UTRN: variants seen among roughly 807,000 people sequenced by gnomAD.
UTRN encodes dystrophin-related protein 1.
Under a neutral mutation model 463.9 loss-of-function variants are expected in UTRN, and 283 were observed. The ratio of observed to expected loss-of-function variants is 0.61; its 90% confidence interval spans 0.55 to 0.67. The LOEUF is 0.67. Ranked by LOEUF, UTRN falls within the 30% of genes least tolerant of loss-of-function variation. The probability of loss-of-function intolerance (pLI) is 0.00; values close to 1 mark genes in which losing one functional copy is unlikely to be tolerated. For missense variants in UTRN, 3,922 were observed against 4,084.3 expected, an observed-to-expected ratio of 0.96 and a Z score of 1.08; for synonymous variants, 1,442 against 1,431.5, an observed-to-expected ratio of 1.01 and a Z score of -0.17.
intron 51 of UTRN, among the ~76,000 whole-genome samples, chr6:144,654,782 T>C (rs73778368): frequency 0.016 from 2,456 of 152,330 alleles, 81 homozygotes; most frequent in African/African-American, 0.057. Context: ...GTCTTGGCAT[T>C]ATTTTTAGTC....
chr6:144,555,765 C>T (rs867013649), intron 49 of UTRN, among the ~76,000 whole-genome samples: 2 of 152,172 alleles, frequency 1.3e-5, no homozygotes, highest in African/African-American at 2.4e-5. Flanking sequence ...GGAAATTCAT[C>T]CCCATGATCC....
intron 23 of UTRN, among the ~76,000 whole-genome samples, chr6:144,472,312 C>CT (rs760604326): frequency 0.01 from 1,373 of 134,992 alleles, 22 homozygotes; most frequent in East Asian, 0.073. Flanking sequence ...ACTTTCTTTT[C>CT]TTTTTTTTTT....
In UTRN at chr6:144,852,275, A is replaced by G. The variant is rs1240297183; in HGVS notation, c.*1278A>G. ...ACCTACATCTTTTTGAGTGCATTCA[A>G]TTATGTATTTTGGTTTAGCTTCTGA... On this transcript the variant is annotated 3_prime_UTR_variant, in exon 75 of 75. Coordinates refer to ENST00000367545, the MANE Select transcript of UTRN (RefSeq NM_007124.3). 1.3e-5 allele frequency: 2 copies of G among 152,176 alleles called. No homozygotes were observed. The highest frequency in any genetic ancestry group is 2.4e-5 in the African/African-American group (1 of 41,452). The allele number at this position is 152,176 out of a possible 1,614,324, so 9.4% of individuals were successfully genotyped here.
intron 51 of UTRN, among the ~76,000 whole-genome samples, chr6:144,648,678 T>A (rs537228325): frequency 1.3e-5 from 2 of 152,190 alleles, no homozygotes; most frequent in East Asian, 3.9e-4. Context: ...CCTTAGAAAA[T>A]GGAACGATGG....
chr6:144,486,807 A>G (rs1792499499), intron 28 of UTRN, among the ~76,000 whole-genome samples: 1 of 152,130 alleles, frequency 6.6e-6, no homozygotes, highest in East Asian at 1.9e-4. Context: ...GGTGTGAGCC[A>G]TCGCACTTGG....
intron 32 of UTRN, among the ~76,000 whole-genome samples, chr6:144,491,985 C>T (rs376671058): frequency 3.3e-5 from 5 of 152,136 alleles, no homozygotes; most frequent in South Asian, 4.2e-4. Flanking sequence ...TACAGAACTA[C>T]GATTTCTTTT....
chr6:144,391,789 G>C (rs988939049), intron 2 of UTRN, among the ~76,000 whole-genome samples: 1 of 152,138 alleles, frequency 6.6e-6, no homozygotes, highest in South Asian at 2.1e-4. Context: ...CTATAGGCAT[G>C]CACCACCACA....
intron 7 of UTRN, 115 bp from the exon 8 acceptor site, chr6:144,428,663 C>CA (rs1287253226): frequency 2.3e-5 from 13 of 557,488 alleles, no homozygotes; most frequent in Middle Eastern, 4.2e-4. Flanking sequence ...AAAATAAACT[C>CA]AAAAAAACCT....
intron 23 of UTRN, among the ~76,000 whole-genome samples, chr6:144,466,558 A>T (rs1217511599): frequency 1.3e-5 from 2 of 152,230 alleles, no homozygotes; most frequent in Non-Finnish European, 1.5e-5. Flanking sequence ...TACTTTTTAC[A>T]AACTACTATA....
At chr6:144,508,622 T>G (rs1301511750) in intron 34 of UTRN, among the ~76,000 whole-genome samples, 1 of 152,190 alleles carries the variant, frequency 6.6e-6, no homozygotes, top group Non-Finnish European at 1.5e-5. Flanking sequence ...AGAAATCACC[T>G]GCATTCTGTT....
chr6:144,416,690 A>G (rs1178344767), intron 3 of UTRN, among the ~76,000 whole-genome samples: 1 of 152,230 alleles, frequency 6.6e-6, no homozygotes, highest in African/African-American at 2.4e-5. Flanking sequence ...AGTATCTGTC[A>G]TCTAGAGTTG....
chr6:144,379,534 G>T (rs1562317590), intron 2 of UTRN, among the ~76,000 whole-genome samples: 2 of 152,186 alleles, frequency 1.3e-5, no homozygotes. Context: ...TGACATGGCT[G>T]TGAGCTTCTC....
intron 34 of UTRN, among the ~76,000 whole-genome samples, chr6:144,500,894 G>A (rs920216151): frequency 6.6e-6 from 1 of 152,202 alleles, no homozygotes; most frequent in Non-Finnish European, 1.5e-5. Flanking sequence ...AAAGAAGCGA[G>A]TATACTAGTG....
At chr6:144,650,454 G>T (rs1029289959) in intron 51 of UTRN, among the ~76,000 whole-genome samples, 6 of 152,326 alleles carry the variant, frequency 3.9e-5, no homozygotes, top group Admixed American at 1.3e-4. Flanking sequence ...TGATATGTAT[G>T]AGATAATTTA....
chr6:144,369,717 A>G (rs528329975), intron 2 of UTRN, among the ~76,000 whole-genome samples: 1 of 152,350 alleles, frequency 6.6e-6, no homozygotes, highest in South Asian at 2.1e-4. Context: ...CTTGAATTGT[A>G]TCTCCCATAA....
chr6:144,820,298 T>G (rs1779487066), intron 65 of UTRN, among the ~76,000 whole-genome samples: 1 of 152,172 alleles, frequency 6.6e-6, no homozygotes, highest in Non-Finnish European at 1.5e-5. Flanking sequence ...TAATTATATG[T>G]CTGCATAGTT....
intron 50 of UTRN, 90 bp from the exon 51 acceptor site, chr6:144,577,009 G>A (rs1310060182): frequency 3.1e-6 from 4 of 1,291,880 alleles, no homozygotes; most frequent in East Asian, 2.4e-5. Context: ...TTTGGGGGCT[G>A]CCTGTTAGTT....
intron 61 of UTRN, among the ~76,000 whole-genome samples, chr6:144,785,304 G>A (rs1316853347): frequency 6.6e-6 from 1 of 152,148 alleles, no homozygotes; most frequent in Non-Finnish European, 1.5e-5. Flanking sequence ...TTCAGCTTCA[G>A]CCAGCTCTTG....
chr6:144,664,210 G>A (rs1323079184), intron 51 of UTRN, among the ~76,000 whole-genome samples: 1 of 152,200 alleles, frequency 6.6e-6, no homozygotes, highest in Admixed American at 6.5e-5. Flanking sequence ...GTGCATGTGT[G>A]TGGCCCATGG....
Sources: gnomAD v4.1 joint callset for allele counts (sites outside exome capture counted in the v4.1 genomes callset) on GRCh38, gnomAD v4.1.1 for gene constraint, MANE v1.5 for transcripts, NCBI Gene and HGNC (gene_info 2026-07-23, HGNC 2026-07-21) for gene names.